Variants in MGAT4C observed in about 807,000 individuals in gnomAD.
The protein encoded by MGAT4C is MGAT4 family member C.
In MGAT4C, 19 loss-of-function variants were observed where a neutral mutation model predicts 40.1. The observed-to-expected ratio is 0.47, with a 90% CI of 0.33 to 0.70. MGAT4C has a LOEUF of 0.70. Ranked by LOEUF, MGAT4C falls within the 30% of genes least tolerant of loss-of-function variation. The pLI, the probability that MGAT4C is intolerant of heterozygous loss-of-function variation, is 0.02. For missense variants in MGAT4C, 491 were observed against 563.2 expected (o/e 0.87, Z 1.30); for synonymous variants, 181 against 187.1 (o/e 0.97, Z 0.27).
intron 1 of MGAT4C, among the ~76,000 whole-genome samples, chr12:86,104,659 T>G (rs573869973): frequency 7.2e-5 from 11 of 152,296 alleles, no homozygotes; most frequent in African/African-American, 2.6e-4. Flanking sequence ...TATTTACCCT[T>G]AGCAATTGAA....
chr12:86,436,078 T>C (rs1034294811), intron 2 of MGAT4C, among the ~76,000 whole-genome samples: 1 of 151,886 alleles, frequency 6.6e-6, no homozygotes, highest in African/African-American at 2.4e-5. Flanking sequence ...GATTATATAA[T>C]CTTTGCCTTG....
intron 2 of MGAT4C, chr12:86,599,739 A>C (rs887076316): frequency 2.0e-5 from 3 of 152,210 alleles, no homozygotes; most frequent in Non-Finnish European, 4.4e-5. Flanking sequence ...TATATCGCAT[A>C]ACTTTGTGAA....
intron 3 of MGAT4C, among the ~76,000 whole-genome samples, chr12:86,336,794 T>G (rs1954800703): frequency 6.6e-6 from 1 of 152,066 alleles, no homozygotes; most frequent in Non-Finnish European, 1.5e-5. Flanking sequence ...TGTCAGGAAA[T>G]GAGGCTAAAA....
In MGAT4C at chr12:85,979,415, A is replaced by G. The variant is rs762857247; in HGVS notation, c.1311T>C (p.Asn437=). 2 of 1,613,242 alleles carry G rather than the reference A, an allele frequency of 1.2e-6. No homozygotes were observed. The highest frequency in any genetic ancestry group is 1.7e-6 in the Non-Finnish European group (2 of 1,179,510). ...STYLRLGEFK[N]GNFEMSGVNQ... ...TTACACCTGACATTTCAAAGTTTCC[A>G]TTTTTGAATTCTCCTAGTCTTAAGT... The change falls in exon 5 of 5, where the codon AAT becomes AAC. Residue 437 remains asparagine, a synonymous_variant. Transcript: ENST00000611864.
At chr12:86,162,876 T>G (rs536892381) in intron 1 of MGAT4C, among the ~76,000 whole-genome samples, 27 of 152,168 alleles carry the variant, frequency 1.8e-4, no homozygotes, top group Non-Finnish European at 2.8e-4. Flanking sequence ...TTGTGGGACA[T>G]TCTACTCAGA....
At chr12:86,075,854 G>A (rs1869596644) in intron 1 of MGAT4C, among the ~76,000 whole-genome samples, 1 of 152,128 alleles carries the variant, frequency 6.6e-6, no homozygotes, top group Non-Finnish European at 1.5e-5. Flanking sequence ...TTTTCCTCCT[G>A]GGCCTCTGGG....
chr12:86,486,457 C>A (rs1958021468), intron 2 of MGAT4C, among the ~76,000 whole-genome samples: 1 of 150,252 alleles, frequency 6.7e-6, no homozygotes, highest in African/African-American at 2.4e-5. Context: ...AGAGAGAAAA[C>A]AGACTTGAGA....
intron 3 of MGAT4C, among the ~76,000 whole-genome samples, chr12:86,383,770 A>G (rs1329747686): frequency 6.6e-6 from 1 of 152,110 alleles, no homozygotes; most frequent in Non-Finnish European, 1.5e-5. Flanking sequence ...GTCTCAGATG[A>G]AACTTTGGAA....
rs572581601 is a variant in MGAT4C at position 86,537,296 on chromosome 12, C to T, written c.-228-102031G>A. Among the ~76,000 whole-genome samples, 29 of 152,014 alleles carry T rather than the reference C, an allele frequency of 1.9e-4. No individual in the cohort carries two copies. In the East Asian group the frequency reaches 5.0e-3, roughly 26 times the overall value. On this transcript the variant is annotated intron_variant, in intron 2 of 7. Coordinates refer to the MGAT4C transcript ENST00000548651. The stretch of plus-strand genomic sequence containing the variant: ...AAATGACGAGTTAATGGGTGCAGCA[C>T]ACCAACATGGCACATGTATACATAT...
intron 2 of MGAT4C, among the ~76,000 whole-genome samples, chr12:86,489,697 G>A (rs761030988): frequency 9.2e-5 from 14 of 152,120 alleles, no homozygotes; most frequent in Non-Finnish European, 8.8e-5. Flanking sequence ...TCCCTCCTCC[G>A]AGGGGTTGAA....
At chr12:86,318,517 C>G (rs1048815679) in intron 4 of MGAT4C, among the ~76,000 whole-genome samples, 1 of 152,182 alleles carries the variant, frequency 6.6e-6, no homozygotes, top group African/African-American at 2.4e-5. Context: ...GAGCCCAATT[C>G]TAGACCACAT....
chr12:86,758,554 C>T (rs1951346318), intron 1 of MGAT4C, among the ~76,000 whole-genome samples: 1 of 151,754 alleles, frequency 6.6e-6, no homozygotes, highest in South Asian at 2.1e-4. Context: ...AACTAAGGCA[C>T]AAAACACTTA....
chr12:86,444,996 CA>C (rs1957307990), intron 2 of MGAT4C, among the ~76,000 whole-genome samples: 1 of 152,112 alleles, frequency 6.6e-6, no homozygotes, highest in Non-Finnish European at 1.5e-5. Context: ...TGACAGAAAG[CA>C]GATCAGCTGT....
At chr12:86,005,886 AAAAAT>A (rs1350282457) in intron 2 of MGAT4C, among the ~76,000 whole-genome samples, 9 of 152,158 alleles carry the variant, frequency 5.9e-5, no homozygotes, top group Non-Finnish European at 1.2e-4. Context: ...ATCTTTGATA[AAAAAT>A]AAGTGTGACT....
At chr12:86,430,054 A>G (rs1957002974) in intron 3 of MGAT4C, among the ~76,000 whole-genome samples, 1 of 151,894 alleles carries the variant, frequency 6.6e-6, no homozygotes, top group South Asian at 2.1e-4. Flanking sequence ...TTTTCTATGG[A>G]ATTTTTCATT....
intron 4 of MGAT4C, among the ~76,000 whole-genome samples, chr12:86,286,569 G>A (rs1420306238): frequency 6.6e-6 from 1 of 152,114 alleles, no homozygotes; most frequent in Non-Finnish European, 1.5e-5. Context: ...TAGTTTCTAA[G>A]TGAAAAGTAA....
At chr12:86,603,398 A>G (rs1393090777) in intron 2 of MGAT4C, among the ~76,000 whole-genome samples, 1 of 126,638 alleles carries the variant, frequency 7.9e-6, no homozygotes, top group Non-Finnish European at 1.6e-5. Flanking sequence ...TATATAATAT[A>G]TATTATATAT....
intron 4 of MGAT4C, among the ~76,000 whole-genome samples, chr12:86,275,819 T>C (rs1446012306): frequency 1.3e-5 from 2 of 151,894 alleles, no homozygotes; most frequent in East Asian, 3.9e-4. Context: ...GAAAATAAAT[T>C]GGCTGGGCGC....
At chr12:86,672,649 T>C (rs1275058676) in intron 2 of MGAT4C, among the ~76,000 whole-genome samples, 1 of 152,120 alleles carries the variant, frequency 6.6e-6, no homozygotes, top group Non-Finnish European at 1.5e-5. Flanking sequence ...AGCGACTATA[T>C]ACCAATAAAT....
Sources: gnomAD v4.1 joint callset for allele counts (sites outside exome capture counted in the v4.1 genomes callset) on GRCh38, gnomAD v4.1.1 for gene constraint, MANE v1.5 for transcripts, NCBI Gene and HGNC (gene_info 2026-07-23, HGNC 2026-07-21) for gene names.